The following FKTN variants were observed in gnomAD, a reference collection of about 807,000 sequenced individuals.
FKTN encodes ribitol-5-phosphate transferase FKTN.
FKTN carries 47 observed loss-of-function variants against 58.6 expected under a neutral mutation model. The observed-to-expected ratio is 0.80, with a 90% confidence interval of 0.63 to 1.02. The LOEUF is 1.02. Among genes scored for constraint, FKTN ranks in the 50% least tolerant of loss-of-function variants. The probability of loss-of-function intolerance (pLI) is 0.00; values close to 1 mark genes in which losing one functional copy is unlikely to be tolerated. For synonymous variants in FKTN, 178 were observed against 191.9 expected, an observed-to-expected ratio of 0.93 and a Z score of 0.60; for missense variants, 516 against 537.3, an observed-to-expected ratio of 0.96 and a Z score of 0.39.
rs1241137117 is a variant in FKTN, at chr9:105,639,536, A to G, written c.*4272A>G. 4 of 964,586 alleles carry G rather than the reference A, an allele frequency of 4.1e-6. No homozygotes were observed. The highest frequency in any genetic ancestry group is 6.2e-5 in the Admixed American group (1 of 16,234). The allele number at this position is 964,586 out of a possible 1,614,324, so 59.8% of individuals were successfully genotyped here. ...TAAGTAAGTACTCAAGAAATGTGCA[A>G]TTTTCTAGTTCCATGTTTCTTTTCT... On this transcript the variant is annotated 3_prime_UTR_variant, in exon 11 of 11. Coordinates refer to ENST00000357998, the MANE Select transcript of FKTN (RefSeq NM_001079802.2).
chr9:105,606,225 T>C (rs1250194244), intron 6 of FKTN, among the ~76,000 whole-genome samples: 1 of 152,072 alleles, frequency 6.6e-6, no homozygotes, highest in African/African-American at 2.4e-5. Context: ...ATTTCTGTGG[T>C]GGAGACTTTG....
intron 3 of FKTN, among the ~76,000 whole-genome samples, chr9:105,575,568 A>G (rs564216851): frequency 6.6e-6 from 1 of 152,306 alleles, no homozygotes; most frequent in East Asian, 1.9e-4. Context: ...GTGGAAATCA[A>G]TAGCTTCTGA....
intron 1 of FKTN, among the ~76,000 whole-genome samples, chr9:105,567,583 A>C (rs906713866): frequency 6.6e-6 from 1 of 152,236 alleles, no homozygotes; most frequent in African/African-American, 2.4e-5. Flanking sequence ...CCAACTTACA[A>C]GGGATGTGAA....
intron 3 of FKTN, among the ~76,000 whole-genome samples, chr9:105,582,939 A>G (rs547391886): frequency 1.3e-5 from 2 of 152,368 alleles, no homozygotes; most frequent in African/African-American, 2.4e-5. Flanking sequence ...CTATAAGTCT[A>G]GAGCCTCTAA....
At chr9:105,620,142 G>A (rs569184532) in intron 10 of FKTN, 81 bp downstream of exon 10, 3 of 1,268,900 alleles carry the variant, frequency 2.4e-6, no homozygotes, top group South Asian at 1.2e-5. Flanking sequence ...TAACTGAAAA[G>A]AAAACCAAAA....
intron 10 of FKTN, among the ~76,000 whole-genome samples, chr9:105,628,889 T>G (rs975778214): frequency 2.0e-5 from 3 of 152,228 alleles, no homozygotes; most frequent in African/African-American, 7.2e-5. Flanking sequence ...ATAAGATTAG[T>G]GGTTGCCTAG....
In FKTN at chr9:105,619,852, T is replaced by C. The variant is rs189299628; in HGVS notation, c.1045-82T>C. The C allele has an allele frequency of 1.4e-4, 181 of 1,275,618 alleles. No individual in the cohort carries two copies. In the African/African-American group the frequency reaches 2.5e-3, roughly 17 times the overall value. 79.0% of individuals were successfully genotyped at this position (1,275,618 alleles called of 1,614,324 possible). On this transcript the variant is annotated intron_variant, in intron 9 of 10. Coordinates refer to ENST00000357998, the MANE Select transcript of FKTN (RefSeq NM_001079802.2). ...TATGTAAAACTTAAGAATCTGTTTC[T>C]TTATTTTTATTTTTTAAAAAAAGGT...
At chr9:105,609,119 T>C (rs1443095846) in intron 7 of FKTN, among the ~76,000 whole-genome samples, 1 of 152,222 alleles carries the variant, frequency 6.6e-6, no homozygotes, top group Non-Finnish European at 1.5e-5. Context: ...CAGTATCTAC[T>C]GTACCTGGCA....
chr9:105,602,330 T>C (rs1300725544), intron 5 of FKTN, among the ~76,000 whole-genome samples: 1 of 152,166 alleles, frequency 6.6e-6, no homozygotes, highest in Non-Finnish European at 1.5e-5. Context: ...AGTTTGTCAT[T>C]ATGATAAACC....
intron 1 of FKTN, among the ~76,000 whole-genome samples, chr9:105,566,274 A>G (rs1320689209): frequency 6.6e-6 from 1 of 152,096 alleles, no homozygotes; most frequent in Non-Finnish European, 1.5e-5. Flanking sequence ...TCAAAAGCTA[A>G]CAGAAGGCAA....
chr9:105,590,599 A>C (rs574260414), intron 3 of FKTN, among the ~76,000 whole-genome samples: 2 of 152,212 alleles, frequency 1.3e-5, no homozygotes, highest in Non-Finnish European at 2.9e-5. Context: ...AGAGTGACAG[A>C]AGCGAGTCAA....
chr9:105,569,456 T>C (rs1840344993), intron 1 of FKTN, among the ~76,000 whole-genome samples: 1 of 152,080 alleles, frequency 6.6e-6, no homozygotes, highest in Non-Finnish European at 1.5e-5. Context: ...TCTTGACACA[T>C]AGTAAATTTG....
At position 105,607,791 on chromosome 9, in the gene FKTN, ATTAATAAATCTTAACTTTTGT is replaced by A; in HGVS notation, c.648-25_648-5del. 6.2e-7 allele frequency: 1 copy of A among 1,601,726 alleles called. No individual in the cohort carries two copies. Among genetic ancestry groups the A allele is most frequent in the Non-Finnish European group, 8.5e-7 (1 of 1,170,156 alleles). On this transcript the variant is annotated splice_region_variant and splice_polypyrimidine_tract_variant and intron_variant, in intron 6 of 10. Coordinates refer to ENST00000357998, the MANE Select transcript of FKTN (RefSeq NM_001079802.2). ...TCCCTCCCTGTTTCCCCCACCCCTC[ATTAATAAATCTTAACTTTTGT>A]TTTCAGGCCAGAGTTACAGCAAGTT...
At chr9:105,610,837 G>A (rs559485391) in intron 7 of FKTN, among the ~76,000 whole-genome samples, 3 of 152,090 alleles carry the variant, frequency 2.0e-5, no homozygotes, top group African/African-American at 4.8e-5. Flanking sequence ...TTTTAGTATC[G>A]AATAGTTCAG....
intron 1 of FKTN, 144 bp from the exon 2 acceptor site, chr9:105,573,511 A>C (rs1047004423): frequency 2.0e-5 from 3 of 151,950 alleles, no homozygotes; most frequent in Admixed American, 2.0e-4. Flanking sequence ...ACTTTTACTC[A>C]TGGCTACTCA....
At chr9:105,583,390 T>A (rs1843371813) in intron 3 of FKTN, among the ~76,000 whole-genome samples, 1 of 152,200 alleles carries the variant, frequency 6.6e-6, no homozygotes, top group East Asian at 1.9e-4. Context: ...CAAAACCTCA[T>A]TCATTAATTT....
At chr9:105,576,217 G>T (rs545422288) in intron 3 of FKTN, among the ~76,000 whole-genome samples, 2 of 146,352 alleles carry the variant, frequency 1.4e-5, no homozygotes, top group East Asian at 4.0e-4. Flanking sequence ...TGCACATTGT[G>T]CAGGTTAGTT....
In FKTN at chr9:105,615,378, C is replaced by A; in HGVS notation, c.881C>A (p.Pro294Gln). 1 of 1,614,012 alleles carries A rather than the reference C, an allele frequency of 6.2e-7. No homozygotes were observed. The highest frequency in any genetic ancestry group is 8.5e-7 in the Non-Finnish European group (1 of 1,179,904). The change falls in exon 8 of 11, where the codon CCA becomes CAA. Residue 294 changes from proline to glutamine, a missense_variant. By Grantham distance (76) the Pro-to-Gln change is moderately conservative. Coordinates refer to ENST00000357998, the MANE Select transcript of FKTN (RefSeq NM_001079802.2). Reference sequence around the variant, plus strand: ...AAAACATTAAACAAATTGGGAGTACCATTCTGGCTGAGCAGTGGAACTTGT... The same window carrying A: ...AAAACATTAAACAAATTGGGAGTACAATTCTGGCTGAGCAGTGGAACTTGT... ...AAKTLNKLGV[P>Q]FWLSSGTCLG... is the part of the protein sequence containing the mutation.
chr9:105,561,193 G>T (rs1048061685), intron 1 of FKTN, among the ~76,000 whole-genome samples: 12 of 151,960 alleles, frequency 7.9e-5, no homozygotes, highest in African/African-American at 2.9e-4. Flanking sequence ...AGGATTGCTT[G>T]TGCCTAGCAG....
Sources: allele counts gnomAD v4.1 joint callset (sites outside exome capture counted in the v4.1 genomes callset), GRCh38; gene constraint gnomAD v4.1.1; transcripts MANE v1.5; gene names NCBI Gene and HGNC (gene_info 2026-07-23, HGNC 2026-07-21).